RNASEH2B: variants seen among roughly 807,000 people sequenced by gnomAD.
The protein encoded by RNASEH2B is ribonuclease H2 subunit B.
Under a neutral mutation model 45.0 loss-of-function variants are expected in RNASEH2B, and 36 were observed. That is an observed-to-expected ratio of 0.80 (90% CI 0.61 to 1.06). The LOEUF (loss-of-function observed/expected upper bound fraction) is 1.06. Ranked by LOEUF, RNASEH2B falls within the 50% of genes least tolerant of loss-of-function variation. The pLI is 0.00. For missense variants in RNASEH2B, 361 were observed against 360.3 expected (o/e 1.00, Z -0.02); for synonymous variants, 119 against 125.7 (o/e 0.95, Z 0.35).
intron 5 of RNASEH2B, chr13:50,938,367 T>C (rs952775138): frequency 6.6e-6 from 1 of 152,360 alleles, no homozygotes; most frequent in Non-Finnish European, 1.5e-5. Flanking sequence ...AATTACACTA[T>C]ATAATTACAT....
chr13:50,966,157 A>G (rs916430104), intron 9 of RNASEH2B, among the ~76,000 whole-genome samples: 2 of 152,228 alleles, frequency 1.3e-5, no homozygotes, highest in Non-Finnish European at 2.9e-5. Context: ...GTGGGTTTAT[A>G]GTTATACATA....
In RNASEH2B at chr13:50,956,518, G is replaced by A; in HGVS notation, c.*44G>A. ...TAGCAAAAATATTTGCTTTTTACAT[G>A]TTTCAGTTTGTCCTTCCTGACTGTT... On this transcript the variant is annotated 3_prime_UTR_variant, in exon 11 of 11. Coordinates refer to ENST00000336617, the MANE Select transcript of RNASEH2B (RefSeq NM_024570.4). 2 of 1,564,720 alleles carry A rather than the reference G, an allele frequency of 1.3e-6. No individual in the cohort carries two copies. Among genetic ancestry groups the A allele is most frequent in the East Asian group, 2.3e-5 (1 of 42,936 alleles).
intron 1 of RNASEH2B, among the ~76,000 whole-genome samples, chr13:50,916,653 G>A (rs1434130541): frequency 6.6e-6 from 1 of 152,194 alleles, no homozygotes; most frequent in Non-Finnish European, 1.5e-5. Flanking sequence ...ATTCAAAGCA[G>A]GTTACATTTT....
chr13:50,911,093 C>T (rs2137871503), intron 1 of RNASEH2B: 1 of 152,262 alleles, frequency 6.6e-6, no homozygotes, highest in Middle Eastern at 3.4e-3. Context: ...ACTCACTGAA[C>T]TTTTCATACG....
chr13:50,956,630 C>A lies in RNASEH2B; in HGVS notation c.*156C>A. The A allele has an allele frequency of 7.0e-7, 1 of 1,438,512 alleles. No homozygotes were observed. Among genetic ancestry groups the A allele is most frequent in the Non-Finnish European group, 9.2e-7 (1 of 1,091,182 alleles). The allele number at this position is 1,438,512 out of a possible 1,614,324, so 89.1% of individuals were successfully genotyped here. A position where few individuals can be genotyped will look rare whatever the true frequency, so the allele number is the denominator to read the frequency against. On this transcript the variant is annotated 3_prime_UTR_variant, in exon 11 of 11. Transcript: ENST00000336617. ...TGCATTTGGTTTTTGTGTTCCTGAACAAAATATGGGAAAGTGTCTAACTTC... is the reference window on the plus strand; with the variant it reads ...TGCATTTGGTTTTTGTGTTCCTGAAAAAAATATGGGAAAGTGTCTAACTTC...
Position 50,956,208 on chromosome 13 carries a change from C to T in RNASEH2B, c.823-150C>T, listed in dbSNP as rs912280441. ...TTAGGTCTGAATTCTGAATAGAAATCAGAACTTTTTCACTCCCTTATGAAG... is the reference window on the plus strand; with the variant it reads ...TTAGGTCTGAATTCTGAATAGAAATTAGAACTTTTTCACTCCCTTATGAAG... On this transcript the variant is annotated intron_variant, in intron 10 of 10. Transcript: ENST00000336617. The T allele has an allele frequency of 2.2e-5, 14 of 646,838 alleles. No homozygotes were observed. In the Admixed American group the frequency reaches 3.5e-4, roughly 16 times the overall value. 40.1% of individuals were successfully genotyped at this position (646,838 alleles called of 1,614,324 possible). A position where few individuals can be genotyped will look rare whatever the true frequency, so the allele number is the denominator to read the frequency against.
chr13:50,912,680 T>G (rs1879493777), intron 1 of RNASEH2B: 1 of 152,216 alleles, frequency 6.6e-6, no homozygotes, highest in South Asian at 2.1e-4. Context: ...CCAGTAAAGC[T>G]GGGCCCTTAA....
Position 50,935,461 on chromosome 13 carries a change from T to C in RNASEH2B, c.436+462T>C, listed in dbSNP as rs1593463492. 2.1e-5 allele frequency: 4 copies of C among 187,980 alleles called. No individual in the cohort carries two copies. In the East Asian group the frequency reaches 5.1e-4, roughly 24 times the overall value. The allele number at this position is 187,980 out of a possible 1,614,324, so 11.6% of individuals were successfully genotyped here. On this transcript the variant is annotated intron_variant, in intron 5 of 10. Coordinates refer to ENST00000336617, the MANE Select transcript of RNASEH2B (RefSeq NM_024570.4). ...CCTTTTCTTCACTTTGCGCCCAGTCTGATGGGGGTCAATGACAAGCTGAGC... is the reference window on the plus strand; with the variant it reads ...CCTTTTCTTCACTTTGCGCCCAGTCCGATGGGGGTCAATGACAAGCTGAGC...
At chr13:50,970,075 G>C in exon 10 of RNASEH2B, 1 of 1,027,372 alleles carries the variant, frequency 9.7e-7, no homozygotes, top group Non-Finnish European at 1.5e-6. Flanking sequence ...GGTGCCAAAA[G>C]GTGCATTTTA....
intron 1 of RNASEH2B, among the ~76,000 whole-genome samples, chr13:50,920,430 A>G (rs569637910): frequency 4.4e-4 from 67 of 152,360 alleles, no homozygotes; most frequent in Non-Finnish European, 7.2e-4. Context: ...TACAGAGAAT[A>G]TAGAGACCAT....
intron 4 of RNASEH2B, among the ~76,000 whole-genome samples, chr13:50,932,762 A>G (rs971302999): frequency 6.6e-6 from 1 of 152,242 alleles, no homozygotes; most frequent in Non-Finnish European, 1.5e-5. Flanking sequence ...ATGTTTGCAT[A>G]AAGTTTGAAC....
chr13:50,915,805 A>G (rs1418581818), intron 1 of RNASEH2B, among the ~76,000 whole-genome samples: 1 of 152,212 alleles, frequency 6.6e-6, no homozygotes, highest in Non-Finnish European at 1.5e-5. Flanking sequence ...TTGGGGCTGC[A>G]TGTTCTAGTC....
intron 9 of RNASEH2B, among the ~76,000 whole-genome samples, chr13:50,965,598 C>T (rs1952157492): frequency 6.6e-6 from 1 of 152,198 alleles, no homozygotes; most frequent in Non-Finnish European, 1.5e-5. Context: ...TGTGGCTAAA[C>T]CTTGAACTTC....
intron 9 of RNASEH2B, among the ~76,000 whole-genome samples, chr13:50,966,412 G>C (rs888973365): frequency 3.3e-5 from 5 of 152,018 alleles, no homozygotes; most frequent in African/African-American, 1.2e-4. Context: ...TTTTCTCTTT[G>C]ATTAATGTGC....
rs772222915 is a variant in RNASEH2B, at chr13:50,929,594, G to A, written c.244+12G>A. 3.5e-5 allele frequency: 52 copies of A among 1,498,366 alleles called. No individual in the cohort carries two copies. The East Asian group carries it at 1.0e-3, about 29-fold the overall frequency. The allele number at this position is 1,498,366 out of a possible 1,614,324, so 92.8% of individuals were successfully genotyped here. A position where few individuals can be genotyped will look rare whatever the true frequency, so the allele number is the denominator to read the frequency against. ...ATCAGTTCAATCAGGTAGGTGACTA[G>A]TGTAAGCATTTCCAATAACTAAACA... On this transcript the variant is annotated intron_variant, in intron 3 of 10. Coordinates refer to ENST00000336617, the MANE Select transcript of RNASEH2B (RefSeq NM_024570.4).
chr13:50,943,006 T>A (rs1951851586), intron 5 of RNASEH2B: 1 of 290,652 alleles, frequency 3.4e-6, no homozygotes, highest in South Asian at 3.6e-5. Flanking sequence ...CTGCCTCCTG[T>A]CCCTATCAAC....
chr13:50,963,375 G>A (rs1465423110), intron 9 of RNASEH2B, among the ~76,000 whole-genome samples: 1 of 151,916 alleles, frequency 6.6e-6, no homozygotes, highest in Non-Finnish European at 1.5e-5. Flanking sequence ...TGTTGGTCAG[G>A]CTGGTCTTGA....
At chr13:50,925,505 T>C (rs545910583) in intron 1 of RNASEH2B, among the ~76,000 whole-genome samples, 23 of 152,178 alleles carry the variant, frequency 1.5e-4, no homozygotes, top group Middle Eastern at 3.2e-3. Flanking sequence ...AATTGGATAC[T>C]TTTAGGTCTT....
chr13:50,927,624 T>C, intron 2 of RNASEH2B, 146 bp downstream of exon 2: 1 of 657,026 alleles, frequency 1.5e-6, no homozygotes, highest in Non-Finnish European at 2.8e-6. Context: ...GGTGATGACA[T>C]TACTAGTCTT....
Sources: allele counts gnomAD v4.1 joint callset (sites outside exome capture counted in the v4.1 genomes callset), GRCh38; gene constraint gnomAD v4.1.1; transcripts MANE v1.5; gene names NCBI Gene and HGNC (gene_info 2026-07-23, HGNC 2026-07-21).